Variants in FGF14 observed in about 807,000 individuals in gnomAD.
FGF14 encodes the protein fibroblast growth factor 14, also known as fibroblast growth factor homologous factor 4.
Under a neutral mutation model 25.5 loss-of-function variants are expected in FGF14, and 5 were observed. That is an observed-to-expected ratio of 0.20 (90% confidence interval 0.10 to 0.41). The LOEUF is 0.41. Among genes scored for constraint, FGF14 ranks in the 10% least tolerant of loss-of-function variants. The pLI, the probability that FGF14 is intolerant of heterozygous loss-of-function variation, is 1.00. For missense variants in FGF14, 222 were observed against 320.1 expected, an observed-to-expected ratio of 0.69 and a Z score of 2.34; for synonymous variants, 138 against 118.3, an observed-to-expected ratio of 1.17 and a Z score of -1.08.
At chr13:102,226,790 A>G (rs1396756607) in intron 1 of FGF14, among the ~76,000 whole-genome samples, 3 of 152,142 alleles carry the variant, frequency 2.0e-5, no homozygotes, top group African/African-American at 4.8e-5. Context: ...CTTTATTTCT[A>G]ACACTGTCAG....
chr13:102,388,771 C>A (rs557174815), intron 1 of FGF14, among the ~76,000 whole-genome samples: 13 of 152,292 alleles, frequency 8.5e-5, no homozygotes, highest in South Asian at 8.3e-4. Flanking sequence ...CCCCTCCCCA[C>A]AATCAGTTAT....
intron 1 of FGF14, among the ~76,000 whole-genome samples, chr13:102,045,041 T>C (rs1161286026): frequency 1.3e-5 from 2 of 152,198 alleles, no homozygotes; most frequent in African/African-American, 4.8e-5. Context: ...TCCCCATCCA[T>C]GTCTGTTAAG....
chr13:102,287,168 G>A (rs376238222), intron 1 of FGF14, among the ~76,000 whole-genome samples: 1 of 152,138 alleles, frequency 6.6e-6, no homozygotes, highest in East Asian at 1.9e-4. Flanking sequence ...GTATTTCAGA[G>A]AAAAAAATAG....
chr13:101,938,685 G>T (rs1490076585), intron 1 of FGF14, among the ~76,000 whole-genome samples: 1 of 152,044 alleles, frequency 6.6e-6, no homozygotes, highest in East Asian at 1.9e-4. Context: ...AAATATAATT[G>T]TTATCCTCAG....
At chr13:102,120,492 G>A (rs530611801) in intron 1 of FGF14, among the ~76,000 whole-genome samples, 86 of 152,258 alleles carry the variant, frequency 5.6e-4, no homozygotes, top group African/African-American at 2.0e-3. Flanking sequence ...ATAGGCCTAG[G>A]CCACTACCAG....
At chr13:102,309,311 C>G (rs1316187109) in intron 1 of FGF14, among the ~76,000 whole-genome samples, 1 of 152,188 alleles carries the variant, frequency 6.6e-6, no homozygotes, top group Admixed American at 6.5e-5. Context: ...CCACGTTCTC[C>G]TACAAGCATA....
chr13:101,870,022 G>GC, intron 2 of FGF14, among the ~76,000 whole-genome samples: 1 of 152,178 alleles, frequency 6.6e-6, no homozygotes. Context: ...AAAACCTCAG[G>GC]CCAGAGCCAT....
At chr13:102,191,197 A>C (rs1030781892) in intron 1 of FGF14, among the ~76,000 whole-genome samples, 13 of 152,204 alleles carry the variant, frequency 8.5e-5, no homozygotes, top group African/African-American at 2.9e-4. Flanking sequence ...GTAATTGCTT[A>C]ATATCAGCTA....
chr13:102,284,924 T>C (rs2054020218), intron 1 of FGF14, among the ~76,000 whole-genome samples: 1 of 151,768 alleles, frequency 6.6e-6, no homozygotes, highest in African/African-American at 2.4e-5. Flanking sequence ...TCTCTCTCTC[T>C]CCCCCTCCGT....
Position 102,271,581 on chromosome 13 carries a change from A to G in FGF14, c.208+129890T>C, listed in dbSNP as rs142156496. Among the ~76,000 whole-genome samples, 44 of 152,276 alleles carry G rather than the reference A, an allele frequency of 2.9e-4. No homozygotes were observed. The East Asian group carries it at 6.6e-3, about 23-fold the overall frequency. On this transcript the variant is annotated intron_variant, in intron 1 of 4. Coordinates refer to the FGF14 transcript ENST00000376131. The stretch of plus-strand genomic sequence containing the variant: ...GTGAGCTCCTTTGAGTACTCGTTCC[A>G]TCTATTTAGGTTCACTGGAGTTAAT...
intron 1 of FGF14, among the ~76,000 whole-genome samples, chr13:102,010,508 T>C (rs1274452740): frequency 6.6e-6 from 1 of 152,328 alleles, no homozygotes; most frequent in East Asian, 1.9e-4. Context: ...AGAAAGTGTT[T>C]ATTTTTTATA....
intron 1 of FGF14, among the ~76,000 whole-genome samples, chr13:102,024,652 T>C (rs1240712544): frequency 6.6e-6 from 1 of 152,000 alleles, no homozygotes; most frequent in African/African-American, 2.4e-5. Context: ...TTGTGACTTG[T>C]GATTTTTGTG....
intron 1 of FGF14, among the ~76,000 whole-genome samples, chr13:101,881,842 T>A (rs942200228): frequency 1.3e-5 from 2 of 152,184 alleles, no homozygotes; most frequent in Non-Finnish European, 1.5e-5. Flanking sequence ...GACTCCTTGT[T>A]AATATGTCAA....
At chr13:102,225,693 C>G (rs183163722) in intron 1 of FGF14, among the ~76,000 whole-genome samples, 1 of 152,262 alleles carries the variant, frequency 6.6e-6, no homozygotes, top group Admixed American at 6.5e-5. Context: ...TTTATAAAAA[C>G]TGTTTTGACT....
chr13:102,158,655 A>G (rs551569399), intron 1 of FGF14, among the ~76,000 whole-genome samples: 53 of 152,214 alleles, frequency 3.5e-4, no homozygotes, highest in Non-Finnish European at 5.6e-4. Flanking sequence ...ATGTACCCTA[A>G]AACTTAAAGT....
At chr13:102,143,878 G>C (rs1057071261) in intron 1 of FGF14, among the ~76,000 whole-genome samples, 10 of 152,126 alleles carry the variant, frequency 6.6e-5, no homozygotes, top group African/African-American at 2.2e-4. Context: ...GAGCATTTGA[G>C]TTTACAGATT....
chr13:101,947,194 G>A (rs2035864182), intron 1 of FGF14, among the ~76,000 whole-genome samples: 1 of 152,176 alleles, frequency 6.6e-6, no homozygotes. Context: ...AGATGTTGGC[G>A]AGGCTGCAGA....
chr13:101,928,317 A>AT (rs2034511342), intron 1 of FGF14, among the ~76,000 whole-genome samples: 2 of 152,128 alleles, frequency 1.3e-5, no homozygotes, highest in African/African-American at 4.8e-5. Flanking sequence ...ATCGAGGACC[A>AT]TTTTTTATTC....
intron 1 of FGF14, among the ~76,000 whole-genome samples, chr13:102,205,026 T>A (rs558779305): frequency 7.9e-5 from 12 of 152,194 alleles, no homozygotes; most frequent in Non-Finnish European, 1.5e-4. Context: ...AGAGTATATG[T>A]ATTTTCCTTC....
Sources: gnomAD v4.1 joint callset for allele counts (sites outside exome capture counted in the v4.1 genomes callset) on GRCh38, gnomAD v4.1.1 for gene constraint, MANE v1.5 for transcripts, NCBI Gene and HGNC (gene_info 2026-07-23, HGNC 2026-07-21) for gene names.